Variants in MEGF11 observed in about 807,000 individuals in gnomAD.
The protein encoded by MEGF11 is multiple epidermal growth factor-like domains protein 11.
Under a neutral mutation model 146.6 loss-of-function variants are expected in MEGF11, and 126 were observed. That is an observed-to-expected ratio of 0.86 (90% CI 0.74 to 1.00). MEGF11 has a LOEUF of 1.00. MEGF11 is among the 50% of genes least tolerant of loss of function. The pLI is 0.00. For synonymous variants in MEGF11, 532 were observed against 583.4 expected (o/e 0.91, Z 1.27); for missense variants, 1,509 against 1,521.2 (o/e 0.99, Z 0.13).
chr15:66,113,859 C>T (rs1317079477), intron 4 of MEGF11, among the ~76,000 whole-genome samples: 3 of 151,174 alleles, frequency 2.0e-5, no homozygotes, highest in Non-Finnish European at 2.9e-5. Flanking sequence ...CCAGCCTGGG[C>T]GACAGAGCGA....
intron 1 of MEGF11, among the ~76,000 whole-genome samples, chr15:66,160,706 C>CA (rs1567268108): frequency 0.039 from 5,727 of 145,126 alleles, 337 homozygotes; most frequent in African/African-American, 0.14. Context: ...CACACACACA[C>CA]CCTTGCCCTA....
intron 5 of MEGF11, among the ~76,000 whole-genome samples, chr15:66,065,837 T>C (rs561224123): frequency 4.7e-4 from 72 of 152,084 alleles, no homozygotes; most frequent in Middle Eastern, 3.4e-3. Context: ...CCCGGCGAAG[T>C]GGGGGAGCAG....
chr15:66,072,951 A>C (rs1189793564), intron 5 of MEGF11, among the ~76,000 whole-genome samples: 1 of 152,234 alleles, frequency 6.6e-6, no homozygotes, highest in African/African-American at 2.4e-5. Flanking sequence ...GCAGAACCTT[A>C]ATAAGAAATC....
intron 4 of MEGF11, among the ~76,000 whole-genome samples, chr15:66,107,928 C>G (rs776766781): frequency 6.6e-6 from 1 of 152,218 alleles, no homozygotes; most frequent in Non-Finnish European, 1.5e-5. Flanking sequence ...ACAATGGGAC[C>G]TGGAGTGAAA....
chr15:65,969,494 AAG>A (rs2081230766), intron 8 of MEGF11, among the ~76,000 whole-genome samples: 1 of 152,166 alleles, frequency 6.6e-6, no homozygotes, highest in African/African-American at 2.4e-5. Context: ...CTGGCTCACA[AAG>A]AGATCAGATC....
intron 1 of MEGF11, among the ~76,000 whole-genome samples, chr15:66,166,728 C>G (rs2090107740): frequency 6.6e-6 from 1 of 151,960 alleles, no homozygotes; most frequent in African/African-American, 2.4e-5. Context: ...AGATCCGCCT[C>G]TGGCTGGCTC....
At chr15:66,216,298 A>C (rs1423261456) in intron 1 of MEGF11, among the ~76,000 whole-genome samples, 1 of 152,158 alleles carries the variant, frequency 6.6e-6, no homozygotes, top group African/African-American at 2.4e-5. Flanking sequence ...TGCAGCCATC[A>C]TGTAGGGGGA....
intron 5 of MEGF11, among the ~76,000 whole-genome samples, chr15:65,984,926 G>T (rs903058541): frequency 6.6e-6 from 1 of 151,796 alleles, no homozygotes; most frequent in Non-Finnish European, 1.5e-5. Flanking sequence ...CTGCCACCAC[G>T]CCTGGCTAAT....
intron 5 of MEGF11, among the ~76,000 whole-genome samples, chr15:66,007,204 C>T (rs549025087): frequency 1.2e-4 from 19 of 152,282 alleles, no homozygotes; most frequent in South Asian, 2.1e-4. Flanking sequence ...CTTATGTTGA[C>T]GGCAGCGTTT....
chr15:66,071,652 C>A (rs1256184990), intron 5 of MEGF11, among the ~76,000 whole-genome samples: 6 of 152,180 alleles, frequency 3.9e-5, no homozygotes, highest in African/African-American at 1.4e-4. Flanking sequence ...CCAGTTGGGG[C>A]TGTGACCTGG....
chr15:65,965,733 CT>C (rs556380022), intron 8 of MEGF11, among the ~76,000 whole-genome samples: 67 of 149,450 alleles, frequency 4.5e-4, no homozygotes, highest in African/African-American at 1.5e-3. Flanking sequence ...GCCCCTTGAT[CT>C]TGAACTTCTC....
intron 10 of MEGF11, among the ~76,000 whole-genome samples, chr15:65,942,416 G>T (rs2080027260): frequency 6.6e-6 from 1 of 152,206 alleles, no homozygotes; most frequent in African/African-American, 2.4e-5. Context: ...AAGTACAAAA[G>T]GTTTCAAGAC....
At chr15:66,181,546 AT>A (rs1328781098) in intron 1 of MEGF11, among the ~76,000 whole-genome samples, 4 of 152,090 alleles carry the variant, frequency 2.6e-5, no homozygotes, top group African/African-American at 7.2e-5. Context: ...TATCATCCCA[AT>A]TTCCTGAATA....
At chr15:66,132,617 C>T (rs1374713896) in intron 1 of MEGF11, among the ~76,000 whole-genome samples, 2 of 152,176 alleles carry the variant, frequency 1.3e-5, no homozygotes, top group Non-Finnish European at 2.9e-5. Flanking sequence ...ATTATAGTGG[C>T]TGTTTAGAAT....
intron 1 of MEGF11, among the ~76,000 whole-genome samples, chr15:66,178,631 A>G (rs145549390): frequency 7.0e-4 from 106 of 152,160 alleles, no homozygotes; most frequent in African/African-American, 2.5e-3. Flanking sequence ...GGAAGCCCGC[A>G]CTCTCAGATG....
At chr15:66,107,053 T>TCCCCCC (rs1555471295) in intron 4 of MEGF11, among the ~76,000 whole-genome samples, 1 of 104,800 alleles carries the variant, frequency 9.5e-6, no homozygotes, top group African/African-American at 3.7e-5. Flanking sequence ...TTTATATTCC[T>TCCCCCC]ACCCCCCCAC....
In MEGF11 at chr15:65,916,174, C is replaced by T. The variant is rs753755756; in HGVS notation, c.2318G>A (p.Gly773Asp). The T allele has an allele frequency of 9.4e-6, 15 of 1,589,894 alleles. No individual in the cohort carries two copies. The highest frequency in any genetic ancestry group is 1.8e-5 in the Admixed American group (1 of 56,728). ...CTGCTCACAGTGTTGCCCGGTGAAG[C>T]CTGTGCGGCAGGTGCACTTGCCACT... ...HISGKCTCRT[G>D]FTGQHCEQRC... The change falls in exon 18 of 26, where the codon GGC becomes GAC. Residue 773 changes from glycine (G) to aspartate (D), a missense_variant. Gly to Asp is a moderately conservative substitution (Grantham distance 94, BLOSUM62 -1). Coordinates refer to ENST00000395614, the MANE Select transcript of MEGF11 (RefSeq NM_001385028.1).
intron 5 of MEGF11, among the ~76,000 whole-genome samples, chr15:66,046,553 T>C (rs962781897): frequency 1.3e-5 from 2 of 152,216 alleles, no homozygotes; most frequent in African/African-American, 4.8e-5. Context: ...CTGCAGCTGC[T>C]GCAGGCTGAG....
At chr15:66,218,978 GCAA>G (rs1567288136) in intron 1 of MEGF11, among the ~76,000 whole-genome samples, 3 of 22,592 alleles carry the variant, frequency 1.3e-4, no homozygotes, top group African/African-American at 4.3e-4. Flanking sequence ...ATATCCACAG[GCAA>G]AAAAAAAAAA....
Sources: allele counts gnomAD v4.1 joint callset (sites outside exome capture counted in the v4.1 genomes callset), GRCh38; gene constraint gnomAD v4.1.1; transcripts MANE v1.5; gene names NCBI Gene and HGNC (gene_info 2026-07-23, HGNC 2026-07-21).